COPG2: variants seen among roughly 807,000 people sequenced by gnomAD.
COPG2 encodes coatomer subunit gamma-2.
In COPG2, 37 loss-of-function variants were observed where a neutral mutation model predicts 46.3. That is an observed-to-expected ratio of 0.80 (90% CI 0.61 to 1.05). COPG2 has a LOEUF of 1.05. Among genes scored for constraint, COPG2 ranks in the 50% least tolerant of loss-of-function variants. The probability of loss-of-function intolerance (pLI) is 0.00; values close to 1 mark genes in which losing one functional copy is unlikely to be tolerated. For synonymous variants in COPG2, 159 were observed against 129.7 expected (o/e 1.23, Z -1.53); for missense variants, 427 against 387.8 (o/e 1.10, Z -0.85).
intron 20 of COPG2, among the ~76,000 whole-genome samples, chr7:130,540,535 T>A (rs966450428): frequency 1.3e-5 from 2 of 151,836 alleles, no homozygotes; most frequent in Non-Finnish European, 2.9e-5. Context: ...GGGGAGGCAT[T>A]AAAAGAACAA....
intron 5 of COPG2, among the ~76,000 whole-genome samples, chr7:130,631,932 T>C (rs2116168065): frequency 6.6e-6 from 1 of 152,360 alleles, no homozygotes; most frequent in East Asian, 1.9e-4. Context: ...GATAAATTCT[T>C]TCAGCGGTTT....
At chr7:130,515,136 C>A (rs1044103322) in intron 20 of COPG2, among the ~76,000 whole-genome samples, 1 of 152,146 alleles carries the variant, frequency 6.6e-6, no homozygotes, top group Non-Finnish European at 1.5e-5. Flanking sequence ...CAGTCAGAAA[C>A]TCAGGGTGCA....
intron 20 of COPG2, among the ~76,000 whole-genome samples, chr7:130,514,937 G>A (rs1799667185): frequency 6.6e-6 from 1 of 152,172 alleles, no homozygotes; most frequent in South Asian, 2.1e-4. Context: ...ACTAGTATAT[G>A]GGAGAGAAGG....
chr7:130,668,033 G>T (rs1182358238), intron 1 of COPG2, among the ~76,000 whole-genome samples: 3 of 151,944 alleles, frequency 2.0e-5, no homozygotes, highest in Admixed American at 6.5e-5. Flanking sequence ...TTTTCTTTTT[G>T]AGGATGCTTG....
chr7:130,647,582 G>A (rs981148489), intron 5 of COPG2, among the ~76,000 whole-genome samples: 21 of 151,944 alleles, frequency 1.4e-4, no homozygotes, highest in African/African-American at 2.9e-4. Flanking sequence ...ACTTTTCTAC[G>A]GTGGTTGTAT....
At chr7:130,619,837 C>G (rs1167022468) in intron 5 of COPG2, among the ~76,000 whole-genome samples, 1 of 152,178 alleles carries the variant, frequency 6.6e-6, no homozygotes, top group East Asian at 1.9e-4. Context: ...ATCACATGTT[C>G]TGTTTCTTAA....
chr7:130,519,283 C>T (rs1385438022), intron 20 of COPG2, among the ~76,000 whole-genome samples: 4 of 152,210 alleles, frequency 2.6e-5, no homozygotes, highest in African/African-American at 9.6e-5. Context: ...GTATTTGGTG[C>T]TGCCCAGAAA....
chr7:130,653,051 T>G, intron 4 of COPG2, 103 bp from the exon 5 acceptor site: 1 of 728,372 alleles, frequency 1.4e-6, no homozygotes, highest in Admixed American at 3.0e-5. Flanking sequence ...TAGAAAGATA[T>G]TCTTTAAAAG....
chr7:130,579,001 C>A (rs574190347), intron 9 of COPG2, among the ~76,000 whole-genome samples: 11 of 132,294 alleles, frequency 8.3e-5, no homozygotes, highest in South Asian at 2.7e-4. Context: ...CAGAGAACGC[C>A]ACAAAGATAC....
rs759702982 is a variant in COPG2 at position 130,659,827 on chromosome 7, G to A, written c.243+3140C>T. On this transcript the variant is annotated intron_variant, in intron 4 of 23. Coordinates refer to ENST00000425248, the MANE Select transcript of COPG2 (RefSeq NM_012133.6). ...CTCCAGAGGCTGAGGCAGGAGAATC[G>A]CTCAAACCCGGGAGGCGGAGGCTGC... 5.3e-5 allele frequency among the ~76,000 whole-genome samples: 8 copies of A among 152,104 alleles called. 1 individual carries two copies. The highest frequency in any genetic ancestry group is 7.4e-5 in the Non-Finnish European group (5 of 68,020).
intron 20 of COPG2, among the ~76,000 whole-genome samples, chr7:130,545,864 T>C (rs1485524857): frequency 1.3e-5 from 2 of 152,140 alleles, no homozygotes; most frequent in African/African-American, 2.4e-5. Flanking sequence ...GGAAATGTTT[T>C]GTTGTTGTTG....
chr7:130,655,362 T>C (rs781860658), intron 4 of COPG2, among the ~76,000 whole-genome samples: 5 of 152,238 alleles, frequency 3.3e-5, no homozygotes, highest in Non-Finnish European at 7.3e-5. Context: ...GGTTTCCTTT[T>C]GAGAACTATA....
chr7:130,507,762 G>A lies in COPG2; in HGVS notation c.2309C>T (p.Ala770Val). Reference sequence around the variant, plus strand: ...ATCTCCCACCTCTTCCCAAGCAGCAGCAAAGTTAGGCTTCAGTACTTTCTG... The same window carrying A: ...ATCTCCCACCTCTTCCCAAGCAGCAACAAAGTTAGGCTTCAGTACTTTCTG... ...HIQKVLKPNF[A>V]AAWEEVGDTF... Residue 770 changes from alanine (A) to valine (V), a missense_variant, in exon 22 of 24, where the codon GCT becomes GTT. Physicochemically the swap from Ala to Val is moderately conservative, Grantham distance 64. Coordinates refer to ENST00000425248, the MANE Select transcript of COPG2 (RefSeq NM_012133.6). 1.3e-6 allele frequency: 1 copy of A among 780,570 alleles called. No individual in the cohort carries two copies. 48.4% of individuals were successfully genotyped at this position (780,570 alleles called of 1,614,324 possible).
chr7:130,656,586 A>G (rs1026867603), intron 4 of COPG2, among the ~76,000 whole-genome samples: 2 of 152,154 alleles, frequency 1.3e-5, no homozygotes, highest in African/African-American at 4.8e-5. Flanking sequence ...TCCCACTAAG[A>G]AGACAGCTGC....
chr7:130,579,815 C>T (rs1794097026), intron 9 of COPG2, among the ~76,000 whole-genome samples: 1 of 152,038 alleles, frequency 6.6e-6, no homozygotes, highest in South Asian at 2.1e-4. Flanking sequence ...TATATATGCA[C>T]CCAATACAGG....
chr7:130,668,624 G>A lies in COPG2; in HGVS notation c.37+8C>T, dbSNP rs1554461981. ...GCTGAGGGTGGGCCTCGGAAGCCCCGCGCGTACCAGACTCCTCGTCCTTCT... is the reference window on the plus strand; with the variant it reads ...GCTGAGGGTGGGCCTCGGAAGCCCCACGCGTACCAGACTCCTCGTCCTTCT... On this transcript the variant is annotated splice_region_variant and intron_variant, in intron 1 of 23. Transcript: ENST00000425248. 1 of 1,531,288 alleles carries A rather than the reference G, an allele frequency of 6.5e-7. No individual in the cohort carries two copies. Among genetic ancestry groups the A allele is most frequent in the Non-Finnish European group, 8.8e-7 (1 of 1,141,020 alleles). 94.9% of individuals were successfully genotyped at this position (1,531,288 alleles called of 1,614,324 possible).
chr7:130,594,653 CA>C (rs1794492500), intron 9 of COPG2, among the ~76,000 whole-genome samples: 1 of 152,122 alleles, frequency 6.6e-6, no homozygotes, highest in Non-Finnish European at 1.5e-5. Flanking sequence ...AGAACTAATA[CA>C]ATTCAACAAT....
At position 130,613,619 on chromosome 7, in the gene COPG2, G is replaced by A; in HGVS notation, c.417C>T (p.Ala139=). 2 of 1,598,890 alleles carry A rather than the reference G, an allele frequency of 1.3e-6. No homozygotes were observed. The highest frequency in any genetic ancestry group is 1.3e-5 in the African/African-American group (1 of 74,852). The change falls in exon 7 of 24, where the codon GCC becomes GCT. Residue 139 remains alanine (A), a synonymous_variant. Coordinates refer to ENST00000425248, the MANE Select transcript of COPG2 (RefSeq NM_012133.6). ...CRITDGTMLQ[A]IERYMKQAIV... is the part of the protein sequence containing the mutation. The stretch of plus-strand genomic sequence containing the variant: ...TGGCCTGCTTCATGTATCTTTCAAT[G>A]GCTTGCAACATTGTTCCCTAATAAC...
At chr7:130,527,486 G>A (rs1487999182) in intron 20 of COPG2, among the ~76,000 whole-genome samples, 1 of 151,374 alleles carries the variant, frequency 6.6e-6, no homozygotes, top group East Asian at 2.0e-4. Flanking sequence ...CCGAGGGAGG[G>A]CTGGGGGCAT....
Sources: allele counts gnomAD v4.1 joint callset (sites outside exome capture counted in the v4.1 genomes callset), GRCh38; gene constraint gnomAD v4.1.1; transcripts MANE v1.5; gene names NCBI Gene and HGNC (gene_info 2026-07-23, HGNC 2026-07-21).